Variants in ERBB4 observed in about 807,000 individuals in gnomAD.
The protein encoded by ERBB4 is erb-b2 receptor tyrosine kinase 4.
Under a neutral mutation model 158.0 loss-of-function variants are expected in ERBB4, and 42 were observed. The observed-to-expected ratio is 0.27, with a 90% CI of 0.21 to 0.34. The LOEUF (loss-of-function observed/expected upper bound fraction) is 0.34. Ranked by LOEUF, ERBB4 falls within the 10% of genes least tolerant of loss-of-function variation. The pLI is 1.00. For synonymous variants in ERBB4, 583 were observed against 558.7 expected, an observed-to-expected ratio of 1.04 and a Z score of -0.61; for missense variants, 1,333 against 1,624.1, an observed-to-expected ratio of 0.82 and a Z score of 3.08.
intron 1 of ERBB4, among the ~76,000 whole-genome samples, chr2:212,409,604 A>G (rs2106483259): frequency 6.6e-6 from 1 of 152,260 alleles, no homozygotes; most frequent in Middle Eastern, 3.4e-3. Flanking sequence ...TATGCAAGGT[A>G]AAACAGTGAT....
intron 1 of ERBB4, among the ~76,000 whole-genome samples, chr2:212,154,405 TG>T (rs34205620): frequency 0.038 from 5,716 of 152,128 alleles, 144 homozygotes; most frequent in Admixed American, 0.075. Flanking sequence ...ACTGGGGAGG[TG>T]TCCTTTGGAA....
chr2:211,580,831 TATAG>T (rs2068061549), intron 19 of ERBB4, among the ~76,000 whole-genome samples: 16 of 35,758 alleles, frequency 4.5e-4, no homozygotes, highest in African/African-American at 7.1e-4. Flanking sequence ...ATATTATATA[TATAG>T]ATTATATATT....
At chr2:211,959,701 T>C (rs541485612) in intron 2 of ERBB4, among the ~76,000 whole-genome samples, 2 of 152,246 alleles carry the variant, frequency 1.3e-5, no homozygotes, top group East Asian at 3.9e-4. Context: ...ATAAAATATA[T>C]TGATTTTAAA....
intron 1 of ERBB4, among the ~76,000 whole-genome samples, chr2:212,456,120 T>G (rs886091796): frequency 1.8e-4 from 28 of 152,162 alleles, no homozygotes; most frequent in African/African-American, 6.5e-4. Flanking sequence ...AGTACACACT[T>G]CCTCTAGAGC....
intron 4 of ERBB4, 73 bp downstream of exon 4, chr2:211,787,952 T>G: frequency 7.0e-7 from 1 of 1,431,564 alleles, no homozygotes; most frequent in Middle Eastern, 1.8e-4. Flanking sequence ...AGTAATGACA[T>G]AATAAGCATA....
intron 3 of ERBB4, among the ~76,000 whole-genome samples, chr2:211,905,218 C>T (rs1017952052): frequency 1.5e-4 from 23 of 152,090 alleles, no homozygotes; most frequent in Middle Eastern, 3.4e-3. Context: ...CCTTTTGCAG[C>T]TTCTAGAGAC....
At chr2:212,094,575 A>T (rs905750315) in intron 2 of ERBB4, among the ~76,000 whole-genome samples, 1 of 142,360 alleles carries the variant, frequency 7.0e-6, no homozygotes, top group Non-Finnish European at 1.5e-5. Context: ...ATAAAAAAAT[A>T]AAAAAAAAAA....
intron 1 of ERBB4, among the ~76,000 whole-genome samples, chr2:212,429,758 CCA>C (rs2091986466): frequency 2.0e-5 from 3 of 152,048 alleles, no homozygotes; most frequent in Non-Finnish European, 4.4e-5. Context: ...AGGTCTGACC[CCA>C]GAGCCTGTTC....
At chr2:212,241,676 A>G (rs1521639) in intron 1 of ERBB4, among the ~76,000 whole-genome samples, 114,021 of 152,028 alleles carry the variant, frequency 0.75, 43,042 homozygotes, top group East Asian at 0.77. Context: ...ATTTGCGACC[A>G]TATCTTTTAG....
rs750178797 is a variant in ERBB4 at position 211,420,426 on chromosome 2, A to G, written c.3135+15T>C. On this transcript the variant is annotated intron_variant, in intron 25 of 27. Transcript: ENST00000342788. ...CTCAGAAAGAATATGATATGTGTATATAATTATTTCTTACCCTATTCGAGT... is the reference window on the plus strand; with the variant it reads ...CTCAGAAAGAATATGATATGTGTATGTAATTATTTCTTACCCTATTCGAGT... The G allele has an allele frequency of 6.5e-7, 1 of 1,550,170 alleles. No homozygotes were observed.
intron 3 of ERBB4, among the ~76,000 whole-genome samples, chr2:211,833,919 G>A (rs1000479478): frequency 6.6e-6 from 1 of 152,044 alleles, no homozygotes; most frequent in African/African-American, 2.4e-5. Context: ...TTGAACTGAA[G>A]CATGGTATGT....
chr2:212,296,947 G>A (rs897561713), intron 1 of ERBB4, among the ~76,000 whole-genome samples: 2 of 151,828 alleles, frequency 1.3e-5, no homozygotes, highest in African/African-American at 4.8e-5. Flanking sequence ...CAGCCTGAAG[G>A]GTGGTAATGA....
chr2:211,684,595 G>A (rs2072489388), intron 12 of ERBB4, among the ~76,000 whole-genome samples: 1 of 152,184 alleles, frequency 6.6e-6, no homozygotes, highest in Admixed American at 6.5e-5. Context: ...GAGTCATGCA[G>A]ACCCTGTTAC....
At chr2:212,249,619 G>A (rs116254091) in intron 1 of ERBB4, among the ~76,000 whole-genome samples, 9,583 of 151,884 alleles carry the variant, frequency 0.063, 358 homozygotes, top group Non-Finnish European at 0.082. Context: ...GTTTTAAACA[G>A]AGAAAAGTTA....
chr2:211,998,539 A>C (rs919436154), intron 2 of ERBB4, among the ~76,000 whole-genome samples: 1 of 151,800 alleles, frequency 6.6e-6, no homozygotes, highest in Non-Finnish European at 1.5e-5. Flanking sequence ...CAAAAAAAAA[A>C]AAAAAAAAGA....
chr2:212,056,471 A>T (rs970789421), intron 2 of ERBB4, among the ~76,000 whole-genome samples: 7 of 152,154 alleles, frequency 4.6e-5, no homozygotes, highest in African/African-American at 1.7e-4. Flanking sequence ...CAAGACACAT[A>T]ATTGTCAGAT....
intron 3 of ERBB4, among the ~76,000 whole-genome samples, chr2:211,867,750 A>G (rs2106103289): frequency 6.6e-6 from 1 of 152,258 alleles, no homozygotes; most frequent in African/African-American, 2.4e-5. Context: ...TTTTTATCAA[A>G]TCAGCTATTA....
At chr2:211,546,282 G>A (rs979290943) in intron 20 of ERBB4, among the ~76,000 whole-genome samples, 2 of 151,932 alleles carry the variant, frequency 1.3e-5, no homozygotes, top group South Asian at 4.1e-4. Flanking sequence ...CTAGTATATT[G>A]ATGTTTAAGG....
At chr2:212,159,926 T>C (rs193002743) in intron 1 of ERBB4, among the ~76,000 whole-genome samples, 1 of 152,066 alleles carries the variant, frequency 6.6e-6, no homozygotes, top group East Asian at 1.9e-4. Flanking sequence ...GTACACAATA[T>C]TGGAAAAGGA....
Sources: allele counts gnomAD v4.1 joint callset (sites outside exome capture counted in the v4.1 genomes callset), GRCh38; gene constraint gnomAD v4.1.1; transcripts MANE v1.5; gene names NCBI Gene and HGNC (gene_info 2026-07-23, HGNC 2026-07-21).